The following PIK3C2G variants were observed in gnomAD, a reference collection of about 807,000 sequenced individuals.
PIK3C2G encodes the protein phosphatidylinositol-4-phosphate 3-kinase catalytic subunit type 2 gamma.
Under a neutral mutation model 181.1 loss-of-function variants are expected in PIK3C2G, and 168 were observed. That is an observed-to-expected ratio of 0.93 (90% CI 0.82 to 1.05). PIK3C2G has a LOEUF of 1.05. Among genes scored for constraint, PIK3C2G ranks in the 50% least tolerant of loss-of-function variants. The probability of loss-of-function intolerance (pLI) is 0.00; values close to 1 mark genes in which losing one functional copy is unlikely to be tolerated. For missense variants in PIK3C2G, 1,869 were observed against 1,732.8 expected (o/e 1.08, Z -1.40); for synonymous variants, 573 against 592.2 (o/e 0.97, Z 0.47).
chr12:18,530,765 C>T (rs1284908058), intron 24 of PIK3C2G, among the ~76,000 whole-genome samples: 1 of 152,074 alleles, frequency 6.6e-6, no homozygotes, highest in African/African-American at 2.4e-5. Context: ...ATGTGTAGCA[C>T]TTCCCCCTCA....
chr12:18,331,778 G>C (rs1254830758), intron 8 of PIK3C2G, among the ~76,000 whole-genome samples: 1 of 152,030 alleles, frequency 6.6e-6, no homozygotes, highest in East Asian at 1.9e-4. Context: ...TAAGTGTAAA[G>C]TTATTTAGAG....
At chr12:18,587,893 T>TA (rs34143887) in intron 29 of PIK3C2G, among the ~76,000 whole-genome samples, 2,243 of 144,464 alleles carry the variant, frequency 0.016, 24 homozygotes, top group Non-Finnish European at 0.025. Flanking sequence ...TGGTACTGAT[T>TA]AAAAAAAAAA....
At position 18,546,294 on chromosome 12, in the gene PIK3C2G, T is replaced by G. The variant is rs369155431; in HGVS notation, c.3481-29T>G. 115 of 1,266,660 alleles carry G rather than the reference T, an allele frequency of 9.1e-5. 1 individual carries two copies. The highest frequency in any genetic ancestry group is 2.7e-4 in the South Asian group (21 of 78,952). The allele number at this position is 1,266,660 out of a possible 1,614,324, so 78.5% of individuals were successfully genotyped here. On this transcript the variant is annotated intron_variant, in intron 25 of 32. Transcript: ENST00000538779. ...TATCTGCATTTATTCTGTCTTCTTT[T>G]TGCTTTGCTTGTTCTTGTTGTGGTT...
chr12:18,251,689 A>G (rs1383538688), intron 1 of PIK3C2G, among the ~76,000 whole-genome samples: 1 of 152,068 alleles, frequency 6.6e-6, no homozygotes, highest in East Asian at 1.9e-4. Context: ...CGTAGCACAA[A>G]TATTTGGATT....
chr12:18,314,487 CTCTT>C (rs1439929043), intron 6 of PIK3C2G: 1 of 155,032 alleles, frequency 6.5e-6, no homozygotes, highest in Non-Finnish European at 1.4e-5. Context: ...CCCTCTCCCT[CTCTT>C]TCTATCACTC....
intron 31 of PIK3C2G, among the ~76,000 whole-genome samples, chr12:18,611,806 C>T (rs954878386): frequency 3.3e-5 from 5 of 152,088 alleles, no homozygotes; most frequent in East Asian, 1.9e-4. Context: ...CCAGAACACA[C>T]CAACTTTCTC....
chr12:18,437,796 T>A (rs1946527648), intron 18 of PIK3C2G, among the ~76,000 whole-genome samples: 1 of 151,978 alleles, frequency 6.6e-6, no homozygotes, highest in African/African-American at 2.4e-5. Flanking sequence ...ACAGTCTAGA[T>A]AATCAATTAC....
chr12:18,664,719 G>T, the PIK3C2G span, among the ~76,000 whole-genome samples: 1 of 151,584 alleles, frequency 6.6e-6, no homozygotes, highest in Non-Finnish European at 1.5e-5. Context: ...TATGTTTATT[G>T]CGGCACTATT....
intron 18 of PIK3C2G, among the ~76,000 whole-genome samples, chr12:18,432,977 G>T (rs1946245939): frequency 7.0e-6 from 1 of 142,998 alleles, no homozygotes; most frequent in Admixed American, 7.5e-5. Flanking sequence ...TACTGAAGAT[G>T]TGACTTTTTT....
At chr12:18,546,195 T>A in intron 25 of PIK3C2G, 128 bp from the exon 26 acceptor site, 1 of 621,838 alleles carries the variant, frequency 1.6e-6, no homozygotes, top group Non-Finnish European at 2.9e-6. Context: ...TTCGTGTATA[T>A]AAACTGAAAG....
rs149549184 is a variant in PIK3C2G at position 18,578,109 on chromosome 12, T to C, written c.4011+11052T>C. ...GGTTCTAAAGGTAGAAGGTGATATATTAGGTATCTGTCTTGCATTTCAATA... is the reference window on the plus strand; with the variant it reads ...GGTTCTAAAGGTAGAAGGTGATATACTAGGTATCTGTCTTGCATTTCAATA... On this transcript the variant is annotated intron_variant, in intron 29 of 32. Transcript: ENST00000538779. 7.2e-3 allele frequency among the ~76,000 whole-genome samples: 1,095 copies of C among 152,278 alleles called. 8 individuals carry two copies. The highest frequency in any genetic ancestry group is 0.011 in the African/African-American group (440 of 41,546).
chr12:18,457,436 A>G lies in PIK3C2G; in HGVS notation c.2505-31013A>G, dbSNP rs114150162. ...TATATTGTCTTGTAGACAACCAAAA[A>G]TATAGCCCATTCTTAGTGCCACCTG... On this transcript the variant is annotated intron_variant, in intron 18 of 32. Coordinates refer to ENST00000538779, the MANE Select transcript of PIK3C2G (RefSeq NM_001288772.2). 5.4e-3 allele frequency among the ~76,000 whole-genome samples: 824 copies of G among 152,274 alleles called. 5 individuals carry two copies. Among genetic ancestry groups the G allele is most frequent in the African/African-American group, 0.019 (790 of 41,572 alleles).
chr12:18,456,245 T>C (rs966242979), intron 18 of PIK3C2G, among the ~76,000 whole-genome samples: 3 of 152,194 alleles, frequency 2.0e-5, no homozygotes, highest in Non-Finnish European at 4.4e-5. Flanking sequence ...TGAGGTTTGC[T>C]GTCTCATGAC....
At chr12:18,661,230 A>T in the PIK3C2G span, among the ~76,000 whole-genome samples, 1 of 152,176 alleles carries the variant, frequency 6.6e-6, no homozygotes, top group Non-Finnish European at 1.5e-5. Flanking sequence ...CAAAGGGATT[A>T]TTTGAAGAAA....
intron 29 of PIK3C2G, among the ~76,000 whole-genome samples, chr12:18,591,969 G>C (rs1158371553): frequency 6.6e-6 from 1 of 151,768 alleles, no homozygotes; most frequent in Non-Finnish European, 1.5e-5. Flanking sequence ...TTTATGTATG[G>C]GGTGAGGAGA....
At chr12:18,470,318 T>C (rs2135973835) in intron 18 of PIK3C2G, among the ~76,000 whole-genome samples, 1 of 152,204 alleles carries the variant, frequency 6.6e-6, no homozygotes, top group East Asian at 1.9e-4. Flanking sequence ...CAAGCCAGGA[T>C]ACCAGTTCAA....
At chr12:18,703,503 A>C in the PIK3C2G span, among the ~76,000 whole-genome samples, 1 of 152,128 alleles carries the variant, frequency 6.6e-6, no homozygotes, top group South Asian at 2.1e-4. Context: ...CTTTGTGTTG[A>C]GATGTTATAC....
chr12:18,602,196 C>T (rs578035399), intron 30 of PIK3C2G, among the ~76,000 whole-genome samples: 66 of 152,118 alleles, frequency 4.3e-4, no homozygotes, highest in Admixed American at 1.3e-3. Flanking sequence ...CAGGGGGGCA[C>T]GGTGGGAGTG....
At chr12:18,315,696 A>G (rs1950829306) in intron 6 of PIK3C2G, among the ~76,000 whole-genome samples, 1 of 152,184 alleles carries the variant, frequency 6.6e-6, no homozygotes, top group African/African-American at 2.4e-5. Flanking sequence ...GGGAGGTATC[A>G]AGACTTTCCC....
Sources: allele counts gnomAD v4.1 joint callset (sites outside exome capture counted in the v4.1 genomes callset), GRCh38; gene constraint gnomAD v4.1.1; transcripts MANE v1.5; gene names NCBI Gene and HGNC (gene_info 2026-07-23, HGNC 2026-07-21).